PTPN14: variants seen among roughly 807,000 people sequenced by gnomAD.
PTPN14 encodes tyrosine-protein phosphatase non-receptor type 14.
In PTPN14, 53 loss-of-function variants were observed where a neutral mutation model predicts 126.8. The ratio of observed to expected loss-of-function variants is 0.42; its 90% CI spans 0.34 to 0.53. The LOEUF is 0.53. PTPN14 is among the 20% of genes least tolerant of loss of function. The pLI is 0.08. For synonymous variants in PTPN14, 630 were observed against 599.3 expected, an observed-to-expected ratio of 1.05 and a Z score of -0.75; for missense variants, 1,257 against 1,552.9, an observed-to-expected ratio of 0.81 and a Z score of 3.20.
At chr1:214,492,892 T>C (rs910797148) in intron 1 of PTPN14, among the ~76,000 whole-genome samples, 6 of 145,368 alleles carry the variant, frequency 4.1e-5, no homozygotes, top group African/African-American at 1.5e-4. Flanking sequence ...AACAAGAATC[T>C]GTCTCAAAGA....
rs376531863 is a variant in PTPN14, at chr1:214,357,879, G to A, written c.*43C>T. The A allele has an allele frequency of 2.3e-5, 37 of 1,584,970 alleles. No homozygotes were observed. The highest frequency in any genetic ancestry group is 2.0e-4 in the East Asian group (9 of 44,692). ...TGTCTGGAGGTGACTCTCCTCCAGC[G>A]CGATGGAGCTGGGTCCCTCCTCCAG... On this transcript the variant is annotated 3_prime_UTR_variant, in exon 19 of 19. Coordinates refer to ENST00000366956, the MANE Select transcript of PTPN14 (RefSeq NM_005401.5).
chr1:214,388,318 T>TA (rs1376292758), intron 11 of PTPN14, among the ~76,000 whole-genome samples: 1 of 152,172 alleles, frequency 6.6e-6, no homozygotes, highest in East Asian at 1.9e-4. Context: ...TTGTTTGAAA[T>TA]AAGAGTTTTG....
intron 3 of PTPN14, among the ~76,000 whole-genome samples, chr1:214,439,221 A>C (rs1659984710): frequency 6.6e-6 from 1 of 152,064 alleles, no homozygotes; most frequent in South Asian, 2.1e-4. Context: ...CTTGCTTCAA[A>C]TTTTCCATCA....
At chr1:214,540,880 G>T (rs1352676563) in intron 1 of PTPN14, among the ~76,000 whole-genome samples, 1 of 152,032 alleles carries the variant, frequency 6.6e-6, no homozygotes, top group African/African-American at 2.4e-5. Context: ...TTGAACCCAA[G>T]AAATATTCCT....
intron 2 of PTPN14, among the ~76,000 whole-genome samples, chr1:214,464,235 C>T (rs1355711501): frequency 7.5e-6 from 1 of 134,148 alleles, no homozygotes; most frequent in South Asian, 2.3e-4. Flanking sequence ...AAAAAAAAGG[C>T]AGCTGCATGC....
At chr1:214,487,544 T>A (rs183022618) in intron 1 of PTPN14, among the ~76,000 whole-genome samples, 1 of 151,762 alleles carries the variant, frequency 6.6e-6, no homozygotes, top group Non-Finnish European at 1.5e-5. Context: ...GAGAATCACT[T>A]GAACCCTTGA....
At chr1:214,379,822 T>C (rs1658431123) in intron 13 of PTPN14, among the ~76,000 whole-genome samples, 1 of 152,244 alleles carries the variant, frequency 6.6e-6, no homozygotes, top group African/African-American at 2.4e-5. Context: ...CAATATTGAC[T>C]GATGTCTCAT....
At chr1:214,518,271 A>G (rs1447475007) in intron 1 of PTPN14, among the ~76,000 whole-genome samples, 1 of 152,194 alleles carries the variant, frequency 6.6e-6, no homozygotes, top group East Asian at 1.9e-4. Flanking sequence ...ATATGACACC[A>G]ATATATCCAA....
chr1:214,380,971 A>C (rs986484555), intron 13 of PTPN14, among the ~76,000 whole-genome samples: 1 of 151,454 alleles, frequency 6.6e-6, no homozygotes, highest in African/African-American at 2.4e-5. Context: ...GATTTGGGGG[A>C]AAAAAAAATC....
rs58372033 is a variant in PTPN14 at position 214,355,959 on chromosome 1, C to CTTTTTTTTTTTTTTT, written c.*1948_*1962dup. On this transcript the variant is annotated 3_prime_UTR_variant, in exon 19 of 19. Coordinates refer to ENST00000366956, the MANE Select transcript of PTPN14 (RefSeq NM_005401.5). ...TAGTTTTTCTTGACAACCTTTTTTCCTTTTTTTTTTTTTTTTTTGGAGGCA... is the reference window on the plus strand; with the variant it reads ...TAGTTTTTCTTGACAACCTTTTTTCCTTTTTTTTTTTTTTTTTTTTTTTTTTTTTTTTTGGAGGCA... The CTTTTTTTTTTTTTTT allele has an allele frequency of 2.0e-5, 2 of 101,684 alleles. No homozygotes were observed. The highest frequency in any genetic ancestry group is 6.5e-4 in the South Asian group (2 of 3,068). 6.3% of individuals were successfully genotyped at this position (101,684 alleles called of 1,614,324 possible). A position where few individuals can be genotyped will look rare whatever the true frequency, so the allele number is the denominator to read the frequency against.
intron 15 of PTPN14, 41 bp from the exon 16 acceptor site, chr1:214,372,880 C>A: frequency 6.2e-7 from 1 of 1,609,480 alleles, no homozygotes; most frequent in South Asian, 1.1e-5. Context: ...ACCCCAAGTC[C>A]GGACAACATT....
chr1:214,433,938 A>C (rs1659849450), intron 3 of PTPN14, among the ~76,000 whole-genome samples: 1 of 17,100 alleles, frequency 5.8e-5, no homozygotes, highest in Non-Finnish European at 1.0e-4. Context: ...ACACACACAC[A>C]CACACACACA....
At position 214,369,617 on chromosome 1, in the gene PTPN14, C is replaced by T. The variant is rs780405304; in HGVS notation, c.3111G>A (p.Lys1037=). 28 of 1,614,210 alleles carry T rather than the reference C, an allele frequency of 1.7e-5. No individual in the cohort carries two copies. The highest frequency in any genetic ancestry group is 2.3e-5 in the Non-Finnish European group (27 of 1,180,040). The part of the protein sequence containing the change: ...GSKHSSATYG[K]FKVTTKFRTD... The stretch of plus-strand genomic sequence containing the variant: ...TTCGAAACTTCGTGGTGACCTTGAA[C>T]TTGCCATAGGTGGCTGAGCTGTGCT... Residue 1037 remains lysine, a synonymous_variant, in exon 17 of 19, where the codon AAG becomes AAA. Coordinates refer to ENST00000366956, the MANE Select transcript of PTPN14 (RefSeq NM_005401.5).
chr1:214,351,429 C>G lies in PTPN14; in HGVS notation c.*6493G>C, dbSNP rs562248888. On this transcript the variant is annotated 3_prime_UTR_variant, in exon 19 of 19. Coordinates refer to ENST00000366956, the MANE Select transcript of PTPN14 (RefSeq NM_005401.5). ...AACAAGACAAGGAACACCAAAGTCA[C>G]TGCATGTACATCCCAGTTTTGTGGC... 1 of 152,100 alleles carries G rather than the reference C, an allele frequency of 6.6e-6. No individual in the cohort carries two copies. The highest frequency in any genetic ancestry group is 1.9e-4 in the East Asian group (1 of 5,182). 9.4% of individuals were successfully genotyped at this position (152,100 alleles called of 1,614,324 possible).
At chr1:214,433,965 A>C (rs879892467) in intron 3 of PTPN14, among the ~76,000 whole-genome samples, 9,826 of 83,498 alleles carry the variant, frequency 0.12, 489 homozygotes, top group Non-Finnish European at 0.19. Context: ...AAAAAAAAAA[A>C]AAAAAAACTC....
chr1:214,402,437 C>CAAAAAAAAAAAAAAAAAAAAAA (rs1165595746), intron 6 of PTPN14, among the ~76,000 whole-genome samples: 17 of 48,142 alleles, frequency 3.5e-4, no homozygotes, highest in African/African-American at 6.7e-4. Context: ...GAGACTCTGT[C>CAAAAAAAAAAAAAAAAAAAAAA]AAAAAAAAAA....
intron 1 of PTPN14, among the ~76,000 whole-genome samples, chr1:214,525,782 T>C (rs1655376789): frequency 6.6e-6 from 1 of 152,068 alleles, no homozygotes. Flanking sequence ...ATTAGTGACT[T>C]GGGACTCAGG....
At chr1:214,392,203 A>G (rs1465561865) in intron 10 of PTPN14, among the ~76,000 whole-genome samples, 1 of 152,104 alleles carries the variant, frequency 6.6e-6, no homozygotes, top group Non-Finnish European at 1.5e-5. Flanking sequence ...AAAGAGAGAG[A>G]GAGAGCGAGA....
intron 3 of PTPN14, among the ~76,000 whole-genome samples, chr1:214,437,266 A>G (rs542651586): frequency 2.6e-5 from 4 of 152,196 alleles, no homozygotes; most frequent in South Asian, 4.1e-4. Flanking sequence ...ACTGAAATCC[A>G]TATGTAGAAT....
Sources: gnomAD v4.1 joint callset for allele counts (sites outside exome capture counted in the v4.1 genomes callset) on GRCh38, gnomAD v4.1.1 for gene constraint, MANE v1.5 for transcripts, NCBI Gene and HGNC (gene_info 2026-07-23, HGNC 2026-07-21) for gene names.